CADPS2: variants seen among roughly 807,000 people sequenced by gnomAD.
CADPS2 encodes the protein calcium-dependent secretion activator 2.
CADPS2 carries 93 observed loss-of-function variants against 172.5 expected under a neutral mutation model. That is an observed-to-expected ratio of 0.54 (90% CI 0.46 to 0.64). The LOEUF (loss-of-function observed/expected upper bound fraction) is 0.64, where lower values mean the gene tolerates loss of function less well. Among genes scored for constraint, CADPS2 ranks in the 30% least tolerant of loss-of-function variants. The probability of loss-of-function intolerance (pLI) is 0.00; values close to 1 mark genes in which losing one functional copy is unlikely to be tolerated. For synonymous variants in CADPS2, 546 were observed against 555.2 expected, an observed-to-expected ratio of 0.98 and a Z score of 0.23; for missense variants, 1,420 against 1,565.9, an observed-to-expected ratio of 0.91 and a Z score of 1.57.
At chr7:122,637,123 G>T in intron 3 of CADPS2, among the ~76,000 whole-genome samples, 1 of 132,420 alleles carries the variant, frequency 7.6e-6, no homozygotes, top group Non-Finnish European at 1.6e-5. Flanking sequence ...TCCTTCCTCA[G>T]TTTGGACTAT....
chr7:122,681,515 G>A (rs1030897348), intron 2 of CADPS2: 3 of 1,462,654 alleles, frequency 2.1e-6, no homozygotes, highest in Non-Finnish European at 2.8e-6. Context: ...TTCCCAAGCT[G>A]TATGTGAAGC....
At chr7:122,782,581 A>G (rs1793017102) in intron 1 of CADPS2, among the ~76,000 whole-genome samples, 1 of 152,144 alleles carries the variant, frequency 6.6e-6, no homozygotes, top group Non-Finnish European at 1.5e-5. Context: ...ATTGCACTCC[A>G]CCCTGGGTGA....
chr7:122,353,594 T>C lies in CADPS2; in HGVS notation c.3504+7194A>G, dbSNP rs143592565. 3.2e-3 allele frequency among the ~76,000 whole-genome samples: 493 copies of C among 152,302 alleles called. 1 individual carries two copies. Among genetic ancestry groups the C allele is most frequent in the African/African-American group, 0.011 (468 of 41,568 alleles). ...GTGTGTGATAATGTTAATAAGACCATTTTAAATAGGGATTTTAAAAATCAA... is the reference window on the plus strand; with the variant it reads ...GTGTGTGATAATGTTAATAAGACCACTTTAAATAGGGATTTTAAAAATCAA... On this transcript the variant is annotated intron_variant, in intron 27 of 29. Coordinates refer to ENST00000449022, the MANE Select transcript of CADPS2 (RefSeq NM_017954.11).
At chr7:122,692,235 G>A (rs904865307) in intron 2 of CADPS2, among the ~76,000 whole-genome samples, 5 of 152,144 alleles carry the variant, frequency 3.3e-5, no homozygotes, top group African/African-American at 1.2e-4. Context: ...CATAGCGGGG[G>A]TGCAGGCACC....
At chr7:122,807,126 C>A (rs1798947702) in intron 1 of CADPS2, among the ~76,000 whole-genome samples, 1 of 152,336 alleles carries the variant, frequency 6.6e-6, no homozygotes, top group South Asian at 2.1e-4. Context: ...CTGCTACAAG[C>A]AGTGCATGCA....
chr7:122,407,690 C>A lies in CADPS2; in HGVS notation c.2596G>T (p.Ala866Ser), dbSNP rs1037054930. 6 of 1,606,034 alleles carry A rather than the reference C, an allele frequency of 3.7e-6. No homozygotes were observed. Among genetic ancestry groups the A allele is most frequent in the Non-Finnish European group, 5.1e-6 (6 of 1,176,156 alleles). ...TCAGCCAATAAATCAGGCCACCAGG[C>A]AAATGCCTACAAAAGGATAAAAACA... is the stretch of plus-strand genomic sequence containing the variant. ...EHHAEGREAFAWWPDLLAEHA... is the reference protein window; with the variant it reads ...EHHAEGREAFSWWPDLLAEHA... Residue 866 changes from alanine (A) to serine (S), a missense_variant, in exon 20 of 30, where the codon GCC becomes TCC. Ala to Ser is a moderately conservative substitution (Grantham distance 99). Coordinates refer to ENST00000449022, the MANE Select transcript of CADPS2 (RefSeq NM_017954.11).
chr7:122,699,451 G>C (rs965036447), intron 2 of CADPS2, among the ~76,000 whole-genome samples: 1 of 152,090 alleles, frequency 6.6e-6, no homozygotes, highest in South Asian at 2.1e-4. Context: ...CTAAAAAAAA[G>C]GATAATTAAA....
chr7:122,766,810 C>T (rs1294249317), intron 1 of CADPS2, among the ~76,000 whole-genome samples: 1 of 152,130 alleles, frequency 6.6e-6, no homozygotes, highest in African/African-American at 2.4e-5. Flanking sequence ...GTAACTGTCA[C>T]TCTGTTTGGC....
At chr7:122,371,959 C>T (rs1016515264) in intron 25 of CADPS2, among the ~76,000 whole-genome samples, 8 of 150,980 alleles carry the variant, frequency 5.3e-5, no homozygotes, top group East Asian at 4.0e-4. Flanking sequence ...ACTGGAAATA[C>T]GGGATTTTAG....
At chr7:122,555,712 T>C (rs1199457466) in intron 7 of CADPS2, among the ~76,000 whole-genome samples, 1 of 152,132 alleles carries the variant, frequency 6.6e-6, no homozygotes, top group African/African-American at 2.4e-5. Context: ...AATACTGTTA[T>C]AATTTTACTT....
intron 12 of CADPS2, among the ~76,000 whole-genome samples, chr7:122,475,325 A>G (rs1163100357): frequency 1.3e-5 from 2 of 152,198 alleles, no homozygotes; most frequent in Non-Finnish European, 2.9e-5. Context: ...GCTCTGTTAG[A>G]AACGTAGCGC....
intron 1 of CADPS2, among the ~76,000 whole-genome samples, chr7:122,781,849 T>A (rs1305258204): frequency 6.6e-6 from 1 of 152,182 alleles, no homozygotes; most frequent in Non-Finnish European, 1.5e-5. Flanking sequence ...TTATAATTTT[T>A]CCATCCTATT....
intron 1 of CADPS2, among the ~76,000 whole-genome samples, chr7:122,827,674 AT>A (rs577330096): frequency 1.2e-3 from 178 of 152,164 alleles, no homozygotes; most frequent in African/African-American, 4.0e-3. Context: ...ATTAGCTACA[AT>A]TCTAAACAAT....
intron 20 of CADPS2, among the ~76,000 whole-genome samples, chr7:122,403,798 T>C (rs1046743013): frequency 2.0e-5 from 3 of 151,654 alleles, no homozygotes; most frequent in Non-Finnish European, 4.4e-5. Context: ...TCATTGTAGA[T>C]GAATGAATAT....
At chr7:122,524,722 T>A (rs2061069423) in intron 8 of CADPS2, among the ~76,000 whole-genome samples, 1 of 152,182 alleles carries the variant, frequency 6.6e-6, no homozygotes, top group Non-Finnish European at 1.5e-5. Flanking sequence ...CTGGACTAGA[T>A]TACTGTTAAT....
At chr7:122,568,695 T>C (rs2066791910) in intron 7 of CADPS2, among the ~76,000 whole-genome samples, 1 of 152,012 alleles carries the variant, frequency 6.6e-6, no homozygotes, top group Non-Finnish European at 1.5e-5. Context: ...TAACTAAAAA[T>C]AAATCAAAGA....
At chr7:122,656,546 C>G (rs1387505795) in intron 3 of CADPS2, among the ~76,000 whole-genome samples, 1 of 152,104 alleles carries the variant, frequency 6.6e-6, no homozygotes, top group Non-Finnish European at 1.5e-5. Context: ...AGACCAGGGA[C>G]AGAAACACTT....
intron 2 of CADPS2, among the ~76,000 whole-genome samples, chr7:122,733,972 T>C (rs1466768565): frequency 2.6e-5 from 4 of 151,866 alleles, no homozygotes; most frequent in African/African-American, 9.7e-5. Context: ...CAAAATTAAA[T>C]AAATGAAATT....
chr7:122,357,408 C>T (rs1306553275), intron 27 of CADPS2: 2 of 152,140 alleles, frequency 1.3e-5, no homozygotes, highest in Non-Finnish European at 2.9e-5. Flanking sequence ...GCTCCTCTTT[C>T]AGTGAGTTTA....
Sources: allele counts gnomAD v4.1 joint callset (sites outside exome capture counted in the v4.1 genomes callset), GRCh38; gene constraint gnomAD v4.1.1; transcripts MANE v1.5; gene names NCBI Gene and HGNC (gene_info 2026-07-23, HGNC 2026-07-21).